C1QBP: variants seen among roughly 807,000 people sequenced by gnomAD.
The protein encoded by C1QBP is complement component 1 Q subcomponent-binding protein, mitochondrial.
A neutral mutation model predicts 29.4 loss-of-function variants in C1QBP; 24 were observed. The ratio of observed to expected loss-of-function variants is 0.82; its 90% CI spans 0.59 to 1.15. C1QBP has a LOEUF of 1.15. Among genes scored for constraint, C1QBP ranks in the 50% most tolerant of loss-of-function variants. The pLI, the probability that C1QBP is intolerant of heterozygous loss-of-function variation, is 0.00. For synonymous variants in C1QBP, 182 were observed against 149.2 expected (o/e 1.22, Z -1.60); for missense variants, 337 against 355.8 (o/e 0.95, Z 0.43).
intron 2 of C1QBP, among the ~76,000 whole-genome samples, chr17:5,436,763 A>T (rs777123566): frequency 1.4e-4 from 22 of 152,222 alleles, no homozygotes; most frequent in Admixed American, 4.6e-4. Flanking sequence ...CTCACACCTG[A>T]AATCCCAGCA....
chr17:5,433,407 T>C lies in C1QBP; in HGVS notation c.585A>G (p.Gln195=). 2 of 1,614,144 alleles carry C rather than the reference T, an allele frequency of 1.2e-6. No homozygotes were observed. The highest frequency in any genetic ancestry group is 1.7e-6 in the Non-Finnish European group (2 of 1,180,040). ...AGATGTCACTCTCAGCCTCGTCTTC[T>C]TGTCCAACCTGAGAAGAAACAATAT... The part of the protein sequence containing the change: ...DCHYPEDEVG[Q]EDEAESDIFS... Residue 195 remains glutamine (Q), a synonymous_variant, in exon 5 of 6, where the codon CAA becomes CAG. Transcript: ENST00000225698.
chr17:5,434,271 G>A (rs1370861572), intron 3 of C1QBP, among the ~76,000 whole-genome samples: 1 of 152,158 alleles, frequency 6.6e-6, no homozygotes, highest in Non-Finnish European at 1.5e-5. Context: ...TGGGAAAGCA[G>A]CACACCAGAG....
In C1QBP at chr17:5,433,031, A is replaced by T; in HGVS notation, c.833T>A (p.Phe278Tyr). Residue 278 changes from phenylalanine to tyrosine, a missense_variant, in exon 6 of 6, where the codon TTT becomes TAT. Phe to Tyr is a conservative substitution (Grantham distance 22, BLOSUM62 3). Transcript: ENST00000225698. Reference protein sequence around the residue: ...YITFLEDLKSFVKSQ With the variant: ...YITFLEDLKSYVKSQ ...CTGTCTGCTCTACTGGCTCTTGACA[A>T]AACTCTTGAGGTCTTCAAGAAAAGT... The T allele has an allele frequency of 6.2e-7, 1 of 1,612,898 alleles. No individual in the cohort carries two copies. The highest frequency in any genetic ancestry group is 8.5e-7 in the Non-Finnish European group (1 of 1,179,676).
At position 5,432,835 on chromosome 17, in the gene C1QBP, G is replaced by A. The variant is rs924355413; in HGVS notation, c.*180C>T. 89 of 918,410 alleles carry A rather than the reference G, an allele frequency of 9.7e-5. No individual in the cohort carries two copies. The highest frequency in any genetic ancestry group is 1.5e-4 in the South Asian group (7 of 47,296). The allele number at this position is 918,410 out of a possible 1,614,324, so 56.9% of individuals were successfully genotyped here. A position where few individuals can be genotyped will look rare whatever the true frequency, so the allele number is the denominator to read the frequency against. On this transcript the variant is annotated 3_prime_UTR_variant, in exon 6 of 6. Transcript: ENST00000225698. ...GTTATACAAAAATCTAGAAATAATA[G>A]ATTTGTACAGAAAAAAATGATAATA...
Position 5,433,557 on chromosome 17 carries a change from C to G in C1QBP, c.576+112G>C, listed in dbSNP as rs1195075656. The G allele has an allele frequency of 2.0e-6, 3 of 1,509,148 alleles. No individual in the cohort carries two copies. The East Asian group carries it at 6.8e-5, about 34-fold the overall frequency. The allele number at this position is 1,509,148 out of a possible 1,614,324, so 93.5% of individuals were successfully genotyped here. On this transcript the variant is annotated intron_variant, in intron 4 of 5. Coordinates refer to ENST00000225698, the MANE Select transcript of C1QBP (RefSeq NM_001212.4). ...TCCCCACCTCTCTCCCCCTGCTGGG[C>G]TGGTCTAAGCTAGAAAAGTGTTTAA...
At chr17:5,433,820 G>A (rs560631461) in intron 3 of C1QBP, 53 bp from the exon 4 acceptor site, 16 of 1,455,720 alleles carry the variant, frequency 1.1e-5, no homozygotes, top group Non-Finnish European at 1.5e-5. Context: ...ATGGATGGCT[G>A]GATCAAGGAT....
At position 5,433,451 on chromosome 17, in the gene C1QBP, T is replaced by A. The variant is rs769225059; in HGVS notation, c.577-36A>T. The A allele has an allele frequency of 2.5e-6, 4 of 1,613,816 alleles. No individual in the cohort carries two copies. The East Asian group carries it at 6.7e-5, about 27-fold the overall frequency. ...ACAATATTGGGAAACTGAAGGGTTC[T>A]CCAGGACAAGCTAGACTCAGGGGAA... On this transcript the variant is annotated intron_variant, in intron 4 of 5. Coordinates refer to ENST00000225698, the MANE Select transcript of C1QBP (RefSeq NM_001212.4).
chr17:5,433,068 G>A lies in C1QBP; in HGVS notation c.796C>T (p.Gln266Ter). ...TCTTCAAGAAAAGTAATGTACTCCT[G>A]GTGCTCCAGGGCTGTGCTGAGCTCC... ...LVELSTALEHQEYITFLEDLK... is the reference protein window; with the variant it reads ...LVELSTALEH Residue 266 changes from glutamine to a stop codon, truncating the protein, a stop_gained, in exon 6 of 6, where the codon CAG becomes TAG. Coordinates refer to ENST00000225698, the MANE Select transcript of C1QBP (RefSeq NM_001212.4). LOFTEE classifies it high-confidence loss of function. 1 of 1,613,986 alleles carries A rather than the reference G, an allele frequency of 6.2e-7. No homozygotes were observed.
At chr17:5,434,464 C>CTTTTTTTTTTT (rs576803401) in intron 3 of C1QBP, among the ~76,000 whole-genome samples, 4 of 97,844 alleles carry the variant, frequency 4.1e-5, no homozygotes, top group East Asian at 3.8e-4. Flanking sequence ...TTCTCTCTCT[C>CTTTTTTTTTTT]TTTTTTTTTT....
chr17:5,436,612 C>T (rs1029348697), intron 2 of C1QBP, among the ~76,000 whole-genome samples: 4 of 151,600 alleles, frequency 2.6e-5, no homozygotes, highest in Admixed American at 6.6e-5. Flanking sequence ...TGTCAGAGGA[C>T]ATTACCAAGA....
At position 5,438,922 on chromosome 17, in the gene C1QBP, C is replaced by T. The variant is rs1199380441; in HGVS notation, c.152G>A (p.Gly51Asp). Residue 51 changes from glycine (G) to aspartate (D), a missense_variant, in exon 1 of 6, where the codon GGT (glycine) becomes GAT (aspartate). Coordinates refer to ENST00000225698, the MANE Select transcript of C1QBP (RefSeq NM_001212.4). ...CAGGAGGCCCGGCCGCCGCTCGGAA[C>T]CTGCGCGCACGCTGAGCAGCCCGAA... Reference protein sequence around the residue: ...RPFGLLSVRAGSERRPGLLRP... With the variant: ...RPFGLLSVRADSERRPGLLRP... The T allele has an allele frequency of 2.6e-6, 4 of 1,537,182 alleles. No homozygotes were observed. Among genetic ancestry groups the T allele is most frequent in the East Asian group, 5.1e-5 (2 of 39,450 alleles).
At chr17:5,438,391 T>A in intron 1 of C1QBP, 118 bp from the exon 2 acceptor site, 2 of 1,253,864 alleles carry the variant, frequency 1.6e-6, no homozygotes, top group Non-Finnish European at 2.2e-6. Context: ...GCTATTACGG[T>A]TACTCTAGAA....
Position 5,438,954 on chromosome 17 carries a change from G to C in C1QBP, c.120C>G (p.Thr40=), listed in dbSNP as rs1260361852. ...GCACGCTGAGCAGCCCGAAGGGCCGGGTGCACAGCCGGGGTGCCGGCTGCA... is the reference window on the plus strand; with the variant it reads ...GCACGCTGAGCAGCCCGAAGGGCCGCGTGCACAGCCGGGGTGCCGGCTGCA... ...QLLQPAPRLC[T]RPFGLLSVRA... Residue 40 remains threonine, a synonymous_variant, in exon 1 of 6, where the codon ACC becomes ACG. Transcript: ENST00000225698. 1.3e-6 allele frequency: 2 copies of C among 1,510,822 alleles called. No individual in the cohort carries two copies. Among genetic ancestry groups the C allele is most frequent in the African/African-American group, 2.9e-5 (2 of 68,506 alleles). 93.6% of individuals were successfully genotyped at this position (1,510,822 alleles called of 1,614,324 possible). A position where few individuals can be genotyped will look rare whatever the true frequency, so the allele number is the denominator to read the frequency against.
At position 5,433,727 on chromosome 17, in the gene C1QBP, A is replaced by G. The variant is rs147800985; in HGVS notation, c.518T>C (p.Ile173Thr). ...GGCCTTCTTGCCATCATCATTCTTT[A>G]TAACTTCAACCACGAAATTGGGAGT... Reference protein sequence around the residue: ...TSTPNFVVEVIKNDDGKKALV... With the variant: ...TSTPNFVVEVTKNDDGKKALV... Residue 173 changes from isoleucine (I) to threonine (T), a missense_variant, in exon 4 of 6, where the codon ATA becomes ACA. Coordinates refer to ENST00000225698, the MANE Select transcript of C1QBP (RefSeq NM_001212.4). 7.4e-6 allele frequency: 12 copies of G among 1,614,104 alleles called. No homozygotes were observed. Among genetic ancestry groups the G allele is most frequent in the South Asian group, 3.3e-5 (3 of 91,092 alleles).
At chr17:5,434,819 C>A (rs1301628940) in intron 3 of C1QBP, 54 bp downstream of exon 3, 3 of 1,525,884 alleles carry the variant, frequency 2.0e-6, no homozygotes, top group South Asian at 1.1e-5. Context: ...TCCTCTAAGC[C>A]CCAGGCACAG....
At position 5,432,966 on chromosome 17, in the gene C1QBP, C is replaced by T. The variant is rs1281815460; in HGVS notation, c.*49G>A. On this transcript the variant is annotated 3_prime_UTR_variant, in exon 6 of 6. Coordinates refer to ENST00000225698, the MANE Select transcript of C1QBP (RefSeq NM_001212.4). ...GTCTAGCTTCAGAGTAGGATTTGTT[C>T]ACTGGCCAAAGCCTGCCATGAAACT... is the stretch of plus-strand genomic sequence containing the variant. 1 of 1,569,562 alleles carries T rather than the reference C, an allele frequency of 6.4e-7. No homozygotes were observed. Among genetic ancestry groups the T allele is most frequent in the African/African-American group, 1.4e-5 (1 of 73,222 alleles).
At chr17:5,433,637 G>C in intron 4 of C1QBP, 32 bp downstream of exon 4, 3 of 1,599,568 alleles carry the variant, frequency 1.9e-6, no homozygotes, top group Non-Finnish European at 2.6e-6. Flanking sequence ...TTCCCCAGGG[G>C]TGCCAAGAGG....
chr17:5,438,228 T>C lies in C1QBP; in HGVS notation c.278A>G (p.Glu93Gly), dbSNP rs1916328203. The C allele has an allele frequency of 2.5e-6, 4 of 1,614,062 alleles. No individual in the cohort carries two copies. The highest frequency in any genetic ancestry group is 3.4e-6 in the Non-Finnish European group (4 of 1,180,046). Residue 93 changes from glutamate (E) to glycine (G), a missense_variant, in exon 2 of 6, where the codon GAA (glutamate) becomes GGA (glycine). Physicochemically the swap from Glu to Gly is moderately conservative, Grantham distance 98 (BLOSUM62 -2). Transcript: ENST00000225698. ...GGTTTTATGCTTCTGAATTTTTCTT[T>C]CCTCCTTAATTTCATCACTCAGGAA... ...VDFLSDEIKE[E>G]RKIQKHKTLP...
In C1QBP at chr17:5,433,168, CA is replaced by C; in HGVS notation, c.700-5del. ...CCATTAGGTGGTCATATAAGGCCTG[CA>C]AAGAACAATATTTACTAGTTAAAAA... is the stretch of plus-strand genomic sequence containing the variant. On this transcript the variant is annotated splice_polypyrimidine_tract_variant and splice_region_variant and intron_variant, in intron 5 of 5. Transcript: ENST00000225698. 3 of 1,610,740 alleles carry C rather than the reference CA, an allele frequency of 1.9e-6. No homozygotes were observed. The highest frequency in any genetic ancestry group is 2.5e-6 in the Non-Finnish European group (3 of 1,179,150).
Sources: gnomAD v4.1 joint callset for allele counts (sites outside exome capture counted in the v4.1 genomes callset) on GRCh38, gnomAD v4.1.1 for gene constraint, MANE v1.5 for transcripts, NCBI Gene and HGNC (gene_info 2026-07-23, HGNC 2026-07-21) for gene names.